The following FSIP1 variants were observed in gnomAD, a reference collection of about 807,000 sequenced individuals.
FSIP1 encodes the protein fibrous sheath-interacting protein 1.
Under a neutral mutation model 60.9 loss-of-function variants are expected in FSIP1, and 65 were observed. That is an observed-to-expected ratio of 1.07 (90% CI 0.87 to 1.31). The LOEUF (loss-of-function observed/expected upper bound fraction) is 1.31. FSIP1 is among the 40% of genes most tolerant of loss of function. The pLI is 0.00. For synonymous variants in FSIP1, 209 were observed against 221.2 expected (o/e 0.94, Z 0.49); for missense variants, 675 against 665.5 (o/e 1.01, Z -0.16).
chr15:39,605,773 G>A (rs114947615), intron 11 of FSIP1, among the ~76,000 whole-genome samples: 2 of 152,160 alleles, frequency 1.3e-5, no homozygotes, highest in East Asian at 1.9e-4. Context: ...AATGTTAAAC[G>A]CCATGTAAGC....
intron 10 of FSIP1, among the ~76,000 whole-genome samples, chr15:39,662,511 C>T (rs1448550613): frequency 6.6e-6 from 1 of 152,014 alleles, no homozygotes; most frequent in Non-Finnish European, 1.5e-5. Flanking sequence ...TAGTCACAGG[C>T]CCTGCAACTC....
At chr15:39,600,957 A>G in intron 11 of FSIP1, 31 bp from the exon 12 acceptor site, 2 of 1,552,352 alleles carry the variant, frequency 1.3e-6, no homozygotes, top group Non-Finnish European at 8.8e-7. Context: ...CACAGTTATT[A>G]GAGATTCAGA....
At chr15:39,617,266 C>A (rs905231692) in intron 11 of FSIP1, among the ~76,000 whole-genome samples, 1 of 152,042 alleles carries the variant, frequency 6.6e-6, no homozygotes, top group Non-Finnish European at 1.5e-5. Context: ...AACACTAGAT[C>A]GTGACGAAAC....
chr15:39,599,119 T>C (rs1157584938), downstream of FSIP1: 2 of 152,130 alleles, frequency 1.3e-5, no homozygotes, highest in East Asian at 1.9e-4. Context: ...AAGACGGGGT[T>C]TCACCTTGTT....
chr15:39,758,449 T>C (rs1897371692), intron 5 of FSIP1, among the ~76,000 whole-genome samples: 2 of 151,982 alleles, frequency 1.3e-5, no homozygotes, highest in Non-Finnish European at 2.9e-5. Context: ...TTCCAAACTA[T>C]AGACATTGAG....
At chr15:39,680,254 A>G (rs1595606730) in intron 10 of FSIP1, among the ~76,000 whole-genome samples, 1 of 152,380 alleles carries the variant, frequency 6.6e-6, no homozygotes, top group Middle Eastern at 3.4e-3. Context: ...ACAAGTTTAC[A>G]AAAGTATCTG....
chr15:39,765,916 C>G lies in FSIP1; in HGVS notation c.311-170G>C, dbSNP rs140909171. 3.9e-5 allele frequency among the ~76,000 whole-genome samples: 6 copies of G among 152,286 alleles called. No homozygotes were observed. In the East Asian group the frequency reaches 1.2e-3, roughly 29 times the overall value. Reference sequence around the variant, plus strand: ...ACAAGGTGCTTTCACATGTGTTTGTCTATATAATTATCTAACAACCCTATG... The same window carrying G: ...ACAAGGTGCTTTCACATGTGTTTGTGTATATAATTATCTAACAACCCTATG... On this transcript the variant is annotated intron_variant, in intron 3 of 11. Coordinates refer to ENST00000350221, the MANE Select transcript of FSIP1 (RefSeq NM_152597.5).
chr15:39,651,024 A>C (rs1241712782), intron 10 of FSIP1, among the ~76,000 whole-genome samples: 1 of 152,182 alleles, frequency 6.6e-6, no homozygotes, highest in East Asian at 1.9e-4. Context: ...GCAGCCAGTA[A>C]CTGGTCAGAT....
intron 10 of FSIP1, among the ~76,000 whole-genome samples, chr15:39,644,426 G>A (rs1478641890): frequency 6.6e-6 from 1 of 152,120 alleles, no homozygotes; most frequent in Non-Finnish European, 1.5e-5. Flanking sequence ...CACCAGTCAA[G>A]GCATCCTGCT....
chr15:39,776,934 C>G (rs1898084038), intron 1 of FSIP1, among the ~76,000 whole-genome samples: 1 of 151,016 alleles, frequency 6.6e-6, no homozygotes. Flanking sequence ...GCTACTTTCT[C>G]TTTTTTTTTG....
chr15:39,650,508 G>A (rs1335466162), intron 10 of FSIP1, among the ~76,000 whole-genome samples: 3 of 152,132 alleles, frequency 2.0e-5, no homozygotes, highest in African/African-American at 2.4e-5. Context: ...TCAACCCTTG[G>A]GGAAAGTTTT....
intron 10 of FSIP1, among the ~76,000 whole-genome samples, chr15:39,660,926 G>T (rs867142570): frequency 6.6e-6 from 1 of 152,142 alleles, no homozygotes; most frequent in African/African-American, 2.4e-5. Flanking sequence ...AGTTGGAAAT[G>T]GTGGCGCACG....
At chr15:39,697,026 TC>T (rs1894849777) in intron 10 of FSIP1, among the ~76,000 whole-genome samples, 1 of 152,150 alleles carries the variant, frequency 6.6e-6, no homozygotes, top group Non-Finnish European at 1.5e-5. Context: ...GCATAATTTT[TC>T]TTTTCTTCTT....
intron 10 of FSIP1, among the ~76,000 whole-genome samples, chr15:39,694,268 G>A (rs1388758803): frequency 6.6e-6 from 1 of 151,602 alleles, no homozygotes; most frequent in Non-Finnish European, 1.5e-5. Flanking sequence ...TTTACTATGA[G>A]TTATCACTAG....
Position 39,738,073 on chromosome 15 carries a change from C to T in FSIP1, c.891+18G>A, listed in dbSNP as rs773095016. The T allele has an allele frequency of 2.2e-6, 3 of 1,354,000 alleles. No individual in the cohort carries two copies. Among genetic ancestry groups the T allele is most frequent in the South Asian group, 2.5e-5 (2 of 81,382 alleles). 83.9% of individuals were successfully genotyped at this position (1,354,000 alleles called of 1,614,324 possible). Reference sequence around the variant, plus strand: ...TCTAAATTAAGAAGTGTAGTGTTCCCTATCAGAGTTTACGTACCTCAGAAC... The same window carrying T: ...TCTAAATTAAGAAGTGTAGTGTTCCTTATCAGAGTTTACGTACCTCAGAAC... On this transcript the variant is annotated intron_variant, in intron 8 of 11. Coordinates refer to ENST00000350221, the MANE Select transcript of FSIP1 (RefSeq NM_152597.5).
chr15:39,727,114 G>C (rs1896230407), intron 8 of FSIP1, among the ~76,000 whole-genome samples: 1 of 152,174 alleles, frequency 6.6e-6, no homozygotes, highest in South Asian at 2.1e-4. Context: ...ATGGGACATG[G>C]TATTTTCAAA....
chr15:39,605,028 C>G (rs1313455242), intron 11 of FSIP1, among the ~76,000 whole-genome samples: 2 of 152,178 alleles, frequency 1.3e-5, no homozygotes, highest in African/African-American at 4.8e-5. Flanking sequence ...CACTGCAACA[C>G]CCTTACCAAA....
In FSIP1 at chr15:39,696,870, C is replaced by CTGTG. The variant is rs67940382; in HGVS notation, c.1188+16570_1188+16573dup. Among the ~76,000 whole-genome samples the CTGTG allele has an allele frequency of 6.5e-4, 73 of 111,826 alleles. No individual in the cohort carries two copies. The East Asian group carries it at 8.8e-3, about 14-fold the overall frequency. The allele number at this position is 111,826 out of a possible 152,430, so 73.4% of individuals were successfully genotyped here. ...GGAAAGGAGGAGGGGGAAGGGGTGT[C>CTGTG]TGTGTGTGTGTGTGTGTGTGTGTGT... On this transcript the variant is annotated intron_variant, in intron 10 of 11. Transcript: ENST00000350221.
intron 10 of FSIP1, among the ~76,000 whole-genome samples, chr15:39,701,092 C>T (rs1245911349): frequency 3.3e-5 from 5 of 152,096 alleles, no homozygotes; most frequent in Non-Finnish European, 5.9e-5. Context: ...GCAGGGGTTG[C>T]GGTGAGTCAA....
Sources: gnomAD v4.1 joint callset for allele counts (sites outside exome capture counted in the v4.1 genomes callset) on GRCh38, gnomAD v4.1.1 for gene constraint, MANE v1.5 for transcripts, NCBI Gene and HGNC (gene_info 2026-07-23, HGNC 2026-07-21) for gene names.